The following EHMT1 variants were observed in gnomAD, a reference collection of about 807,000 sequenced individuals.
The protein encoded by EHMT1 is euchromatic histone lysine methyltransferase 1, also known as histone-lysine N-methyltransferase EHMT1.
EHMT1 carries 15 observed loss-of-function variants against 147.2 expected under a neutral mutation model. The ratio of observed to expected loss-of-function variants is 0.10; its 90% CI spans 0.07 to 0.16. EHMT1 has a LOEUF of 0.16. EHMT1 is among the 10% of genes least tolerant of loss of function. The pLI is 1.00. For missense variants in EHMT1, 1,587 were observed against 1,772.4 expected (o/e 0.90, Z 1.88); for synonymous variants, 795 against 709.6 (o/e 1.12, Z -1.91).
chr9:137,673,934 G>A (rs191860052), intron 1 of EHMT1, among the ~76,000 whole-genome samples: 234 of 152,292 alleles, frequency 1.5e-3, no homozygotes, highest in Non-Finnish European at 2.2e-3. Flanking sequence ...GGGCTGTACT[G>A]TTCTCTGGAG....
At chr9:137,810,589 G>C (rs907686647) in intron 18 of EHMT1, among the ~76,000 whole-genome samples, 2 of 152,014 alleles carry the variant, frequency 1.3e-5, no homozygotes, top group African/African-American at 2.4e-5. Context: ...CAGAATTACA[G>C]TGTTCTAATT....
At chr9:137,788,752 G>C (rs1044465091) in intron 15 of EHMT1, 1 of 152,360 alleles carries the variant, frequency 6.6e-6, no homozygotes, top group Non-Finnish European at 1.5e-5. Flanking sequence ...CCTGGGAAGG[G>C]CGCCGTCCGT....
At chr9:137,762,860 T>A (rs1478327823) in intron 10 of EHMT1, 40 bp downstream of exon 10, 2 of 1,610,970 alleles carry the variant, frequency 1.2e-6, no homozygotes, top group Admixed American at 3.3e-5. Context: ...CCACGAGGAG[T>A]GAGTGAGAAA....
At chr9:137,735,962 A>G (rs918421888) in intron 4 of EHMT1, among the ~76,000 whole-genome samples, 2 of 152,212 alleles carry the variant, frequency 1.3e-5, no homozygotes, top group Admixed American at 1.3e-4. Context: ...GACTCAGGAG[A>G]CAAATCTCTT....
chr9:137,817,338 C>T, intron 23 of EHMT1, 101 bp from the exon 24 acceptor site: 5 of 1,348,330 alleles, frequency 3.7e-6, no homozygotes, highest in Non-Finnish European at 5.3e-6. Flanking sequence ...AACCAGTTTT[C>T]TTCCTCATTT....
intron 1 of EHMT1, among the ~76,000 whole-genome samples, chr9:137,656,132 C>T (rs1938416833): frequency 6.6e-6 from 1 of 152,148 alleles, no homozygotes; most frequent in Non-Finnish European, 1.5e-5. Flanking sequence ...ATAATCCCAG[C>T]ACTTTGAGAG....
intron 5 of EHMT1, 151 bp downstream of exon 5, chr9:137,743,679 C>A: frequency 2.3e-6 from 3 of 1,289,760 alleles, no homozygotes; most frequent in Non-Finnish European, 3.3e-6. Flanking sequence ...GTGTTCGTGT[C>A]CAAGATCATT....
At chr9:137,834,231 G>C (rs1194962561) in intron 25 of EHMT1, 118 bp from the exon 26 acceptor site, 1 of 1,355,820 alleles carries the variant, frequency 7.4e-7, no homozygotes, top group African/African-American at 1.4e-5. Flanking sequence ...GGCCCCTCCT[G>C]CATGGCGGGC....
chr9:137,814,559 G>T, intron 22 of EHMT1, 51 bp downstream of exon 22: 5 of 1,590,008 alleles, frequency 3.1e-6, no homozygotes, highest in South Asian at 1.1e-5. Flanking sequence ...CCGCTGGTCC[G>T]GGTCTGCAAA....
At chr9:137,660,671 T>C (rs1938983867) in intron 1 of EHMT1, among the ~76,000 whole-genome samples, 1 of 152,238 alleles carries the variant, frequency 6.6e-6, no homozygotes, top group Non-Finnish European at 1.5e-5. Context: ...ACAATATATC[T>C]GACTATTTGT....
intron 1 of EHMT1, among the ~76,000 whole-genome samples, chr9:137,682,247 C>G (rs17065616): frequency 0.016 from 2,360 of 152,170 alleles, 50 homozygotes; most frequent in African/African-American, 0.042. Context: ...CGTGTCCGGC[C>G]AAAATCGTCC....
chr9:137,774,764 C>T (rs1213002527), intron 10 of EHMT1, among the ~76,000 whole-genome samples: 11 of 138,742 alleles, frequency 7.9e-5, no homozygotes, highest in African/African-American at 5.5e-5. Context: ...GATGTGGTCG[C>T]GTCTGGCCCC....
Position 137,775,154 on chromosome 9 carries a change from C to T in EHMT1, c.1693C>T (p.Pro565Ser), listed in dbSNP as rs2080091056. ...CGTGGTCAAGTATGAGCTGATGCGC[C>T]CCTCCAACAAGGCCCCGCTCCTCGT... ...NSVVKYELMR[P>S]SNKAPLLVLC... is the part of the protein sequence containing the mutation. The change falls in exon 11 of 27, where the codon CCC (proline) becomes TCC (serine). Residue 565 changes from proline (P) to serine (S), a missense_variant. Physicochemically the swap from Pro to Ser is moderately conservative, Grantham distance 74. Around this residue, in one of 7 missense-constraint regions of EHMT1, gnomAD observed 124 missense variants for 197.8 expected, o/e 0.63. Transcript: ENST00000460843. The surrounding 1 kb of genome is among the most constrained non-coding windows in gnomAD (Gnocchi z 6.1). 6.2e-7 allele frequency: 1 copy of T among 1,613,950 alleles called. No individual in the cohort carries two copies. The highest frequency in any genetic ancestry group is 1.7e-5 in the Admixed American group (1 of 60,010).
chr9:137,768,120 A>AG (rs1480681621), intron 10 of EHMT1, among the ~76,000 whole-genome samples: 1 of 152,138 alleles, frequency 6.6e-6, no homozygotes, highest in Non-Finnish European at 1.5e-5. Context: ...GGCTCATGCA[A>AG]GTACAGCCTG....
intron 1 of EHMT1, among the ~76,000 whole-genome samples, chr9:137,628,039 A>G (rs1843380933): frequency 6.6e-6 from 1 of 152,116 alleles, no homozygotes; most frequent in African/African-American, 2.4e-5. Flanking sequence ...ATGGGGCTAA[A>G]CGTCTGGTGT....
intron 18 of EHMT1, among the ~76,000 whole-genome samples, chr9:137,801,701 G>A (rs1448319909): frequency 1.3e-5 from 2 of 152,036 alleles, no homozygotes; most frequent in African/African-American, 2.4e-5. Flanking sequence ...GTTTTACCGT[G>A]TTGGCCAGAC....
At chr9:137,695,829 C>A (rs1943356819) in intron 1 of EHMT1, among the ~76,000 whole-genome samples, 2 of 152,220 alleles carry the variant, frequency 1.3e-5, no homozygotes, top group African/African-American at 4.8e-5. Context: ...GGATACCGAC[C>A]CACCTCTCGA....
chr9:137,751,892 C>G (rs1948998940), intron 6 of EHMT1, among the ~76,000 whole-genome samples: 1 of 152,160 alleles, frequency 6.6e-6, no homozygotes, highest in Non-Finnish European at 1.5e-5. Context: ...GGGGGTAGGT[C>G]TCACACTGTG....
At chr9:137,687,394 T>C (rs2134736148) in intron 1 of EHMT1, among the ~76,000 whole-genome samples, 1 of 152,220 alleles carries the variant, frequency 6.6e-6, no homozygotes, top group South Asian at 2.1e-4. Flanking sequence ...TGGGGCTGCA[T>C]TGGGTCAGTT....
Sources: allele counts gnomAD v4.1 joint callset (sites outside exome capture counted in the v4.1 genomes callset), GRCh38; gene constraint gnomAD v4.1.1; regional missense constraint gnomAD v4.1.1; non-coding constraint Gnocchi (gnomAD v3.1); transcripts MANE v1.5; gene names NCBI Gene and HGNC (gene_info 2026-07-23, HGNC 2026-07-21).